The following RPTOR variants were observed in gnomAD, a reference collection of about 807,000 sequenced individuals.
RPTOR encodes regulatory associated protein of MTOR complex 1.
RPTOR carries 21 observed loss-of-function variants against 169.9 expected under a neutral mutation model. That is an observed-to-expected ratio of 0.12 (90% CI 0.09 to 0.18). The LOEUF (loss-of-function observed/expected upper bound fraction) is 0.18. RPTOR is among the 10% of genes least tolerant of loss of function. The pLI, the probability that RPTOR is intolerant of heterozygous loss-of-function variation, is 1.00. For synonymous variants in RPTOR, 732 were observed against 753.2 expected (o/e 0.97, Z 0.46); for missense variants, 1,133 against 1,855.9 (o/e 0.61, Z 7.16).
intron 7 of RPTOR, among the ~76,000 whole-genome samples, chr17:80,808,444 G>A (rs2067241029): frequency 6.6e-6 from 1 of 152,070 alleles, no homozygotes; most frequent in African/African-American, 2.4e-5. Context: ...CAAAAACAGA[G>A]TACCCTTTAG....
At chr17:80,879,814 G>A (rs1161001836) in intron 13 of RPTOR, among the ~76,000 whole-genome samples, 10 of 152,218 alleles carry the variant, frequency 6.6e-5, no homozygotes, top group South Asian at 2.1e-4. Context: ...GGCCTGAAGC[G>A]TGGGAAGGTC....
intron 4 of RPTOR, among the ~76,000 whole-genome samples, chr17:80,727,998 A>G (rs2066354573): frequency 6.6e-6 from 1 of 152,208 alleles, no homozygotes; most frequent in Non-Finnish European, 1.5e-5. Flanking sequence ...CTGAATAAAA[A>G]CAGAATGGAT....
intron 1 of RPTOR, among the ~76,000 whole-genome samples, chr17:80,547,157 A>G (rs2084286648): frequency 6.6e-6 from 1 of 152,170 alleles, no homozygotes; most frequent in Non-Finnish European, 1.5e-5. Flanking sequence ...TACTTCTAAA[A>G]GGTTAGGAAA....
At chr17:80,922,170 C>T (rs1416392966) in intron 21 of RPTOR, among the ~76,000 whole-genome samples, 4 of 152,216 alleles carry the variant, frequency 2.6e-5, no homozygotes, top group East Asian at 1.9e-4. Flanking sequence ...GGCCAGGTCC[C>T]GGGTGGATGA....
At chr17:80,840,598 G>A (rs1198640923) in intron 10 of RPTOR, among the ~76,000 whole-genome samples, 11 of 81,958 alleles carry the variant, frequency 1.3e-4, no homozygotes, top group Admixed American at 3.1e-4. Flanking sequence ...TTCACCGCAC[G>A]GCAGCTCACT....
intron 13 of RPTOR, among the ~76,000 whole-genome samples, chr17:80,876,049 T>C (rs1343804063): frequency 1.5e-4 from 8 of 53,298 alleles, no homozygotes; most frequent in Admixed American, 9.8e-4. Context: ...TGTCACCTGC[T>C]GGGTCTTCAC....
In RPTOR at chr17:80,730,849, C is replaced by A; in HGVS notation, c.654+143C>A. Reference sequence around the variant, plus strand: ...AATGCCAAGGGCAGGATGGCATATTCAATGCTGTTGAGCTAGGGAGGCACT... The same window carrying A: ...AATGCCAAGGGCAGGATGGCATATTAAATGCTGTTGAGCTAGGGAGGCACT... On this transcript the variant is annotated intron_variant, in intron 5 of 33. Transcript: ENST00000306801. The surrounding 1 kb of genome is among the most constrained non-coding windows in gnomAD (Gnocchi z 4.2). The A allele has an allele frequency of 1.2e-6, 1 of 817,028 alleles. No individual in the cohort carries two copies. The highest frequency in any genetic ancestry group is 1.9e-6 in the Non-Finnish European group (1 of 513,390). 50.6% of individuals were successfully genotyped at this position (817,028 alleles called of 1,614,324 possible). A position where few individuals can be genotyped will look rare whatever the true frequency, so the allele number is the denominator to read the frequency against.
intron 1 of RPTOR, among the ~76,000 whole-genome samples, chr17:80,604,132 C>G (rs899125961): frequency 1.3e-5 from 2 of 152,200 alleles, no homozygotes; most frequent in African/African-American, 4.8e-5. Flanking sequence ...AACCTGAAAA[C>G]AAGCGAATAT....
intron 6 of RPTOR, among the ~76,000 whole-genome samples, chr17:80,787,333 C>A (rs901523186): frequency 3.3e-5 from 5 of 152,316 alleles, no homozygotes; most frequent in Admixed American, 2.6e-4. Flanking sequence ...AGAGTACCCC[C>A]GTCTAACTCT....
At chr17:80,626,076 CAG>C (rs1416276802) in intron 2 of RPTOR, among the ~76,000 whole-genome samples, 1 of 151,826 alleles carries the variant, frequency 6.6e-6, no homozygotes, top group Non-Finnish European at 1.5e-5. Flanking sequence ...TTTTTTGAGA[CAG>C]AGTCTTCCTC....
At chr17:80,925,733 G>T (rs1423410499) in intron 24 of RPTOR, among the ~76,000 whole-genome samples, 52 of 152,222 alleles carry the variant, frequency 3.4e-4, no homozygotes, top group Non-Finnish European at 7.3e-5. Flanking sequence ...AACTGACAGG[G>T]TCACCACAGG....
intron 3 of RPTOR, among the ~76,000 whole-genome samples, chr17:80,647,020 T>C (rs2065601320): frequency 6.6e-6 from 1 of 152,188 alleles, no homozygotes; most frequent in Admixed American, 6.5e-5. Flanking sequence ...CTTGGACTTG[T>C]TCTTCATTTT....
chr17:80,736,940 A>G (rs1316622654), intron 5 of RPTOR, among the ~76,000 whole-genome samples: 1 of 152,186 alleles, frequency 6.6e-6, no homozygotes, highest in East Asian at 1.9e-4. Flanking sequence ...TTCTCTTTCA[A>G]GCAATGATTT....
chr17:80,635,990 C>T (rs907636769), intron 2 of RPTOR, among the ~76,000 whole-genome samples: 4 of 152,084 alleles, frequency 2.6e-5, no homozygotes, highest in East Asian at 3.9e-4. Context: ...AACATGTTAC[C>T]GTTTAGAAGG....
chr17:80,819,647 A>T (rs1313940748), intron 7 of RPTOR, among the ~76,000 whole-genome samples: 1 of 152,218 alleles, frequency 6.6e-6, no homozygotes, highest in South Asian at 2.1e-4. Flanking sequence ...CGACTTTTAC[A>T]TGTGGTAAAG....
chr17:80,740,708 C>T (rs958597446), intron 5 of RPTOR, among the ~76,000 whole-genome samples: 8 of 151,316 alleles, frequency 5.3e-5, no homozygotes, highest in African/African-American at 1.7e-4. Context: ...CTCTTTCATG[C>T]GAGAGAAAAC....
chr17:80,827,496 G>C (rs909248128), intron 9 of RPTOR, among the ~76,000 whole-genome samples: 3 of 152,338 alleles, frequency 2.0e-5, no homozygotes, highest in African/African-American at 7.2e-5. Context: ...CAGGAGCCGG[G>C]TGCTGCATCC....
At chr17:80,884,256 C>T (rs1567966506) in intron 16 of RPTOR, among the ~76,000 whole-genome samples, 3 of 152,200 alleles carry the variant, frequency 2.0e-5, no homozygotes, top group Non-Finnish European at 2.9e-5. Flanking sequence ...GTCCGGGTGC[C>T]GCTCTGCGTC....
At chr17:80,692,610 C>A (rs369090498) in intron 3 of RPTOR, among the ~76,000 whole-genome samples, 19 of 151,770 alleles carry the variant, frequency 1.3e-4, no homozygotes, top group African/African-American at 4.6e-4. Flanking sequence ...CGTGAGCCAC[C>A]GTGCCTGGCC....
Sources: allele counts gnomAD v4.1 joint callset (sites outside exome capture counted in the v4.1 genomes callset), GRCh38; gene constraint gnomAD v4.1.1; non-coding constraint Gnocchi (gnomAD v3.1); transcripts MANE v1.5; gene names NCBI Gene and HGNC (gene_info 2026-07-23, HGNC 2026-07-21).